Variants in DNAJC27 observed in about 807,000 individuals in gnomAD.
DNAJC27 encodes the protein dnaJ homolog subfamily C member 27.
A neutral mutation model predicts 31.4 loss-of-function variants in DNAJC27; 25 were observed. That is an observed-to-expected ratio of 0.80 (90% CI 0.58 to 1.11). The LOEUF (loss-of-function observed/expected upper bound fraction) is 1.11, where lower values mean the gene tolerates loss of function less well. Ranked by LOEUF, DNAJC27 falls within the 50% of genes most tolerant of loss-of-function variation. The pLI, the probability that DNAJC27 is intolerant of heterozygous loss-of-function variation, is 0.00. For missense variants in DNAJC27, 356 were observed against 347.3 expected (o/e 1.02, Z -0.20); for synonymous variants, 106 against 112.7 (o/e 0.94, Z 0.37).
At chr2:24,956,975 ATAATT>A in intron 5 of DNAJC27, 63 bp downstream of exon 5, 1 of 1,555,002 alleles carries the variant, frequency 6.4e-7, no homozygotes, top group Middle Eastern at 1.7e-4. Flanking sequence ...TTTGCTTCCT[ATAATT>A]TAAACTGAAA....
At chr2:24,951,150 C>T (rs1413632185) in intron 6 of DNAJC27, among the ~76,000 whole-genome samples, 1 of 152,256 alleles carries the variant, frequency 6.6e-6, no homozygotes, top group Non-Finnish European at 1.5e-5. Context: ...CAGATGAAAG[C>T]AGAGCATACC....
rs201971228 is a variant in DNAJC27, at chr2:24,971,861, A to G, written c.44T>C (p.Leu15Pro). 2.5e-5 allele frequency: 40 copies of G among 1,609,250 alleles called. No homozygotes were observed. Among genetic ancestry groups the G allele is most frequent in the Non-Finnish European group, 2.9e-5 (34 of 1,178,348 alleles). The change falls in exon 1 of 7, where the codon CTC (leucine) becomes CCC (proline). Residue 15 changes from leucine to proline, a missense_variant. Coordinates refer to ENST00000264711, the MANE Select transcript of DNAJC27 (RefSeq NM_016544.3). ...GCCCATGGAGATGACTTTGATGCGGAGAGACCTGCCGGGCTCCTTCCGCTT... is the reference window on the plus strand; with the variant it reads ...GCCCATGGAGATGACTTTGATGCGGGGAGACCTGCCGGGCTCCTTCCGCTT... ...MPKRKEPGRSLRIKVISMGNA... is the reference protein window; with the variant it reads ...MPKRKEPGRSPRIKVISMGNA...
In DNAJC27 at chr2:24,947,463, GAA is replaced by G; in HGVS notation, c.*151_*152del. ...GGTCATTTCTCAGTAAAATGTCTAT[GAA>G]ATGGGTACCTGAATTACTGATATAC... On this transcript the variant is annotated 3_prime_UTR_variant, in exon 7 of 7. Coordinates refer to ENST00000264711, the MANE Select transcript of DNAJC27 (RefSeq NM_016544.3). The G allele has an allele frequency of 1.1e-6, 1 of 902,634 alleles. No individual in the cohort carries two copies. Among genetic ancestry groups the G allele is most frequent in the Non-Finnish European group, 1.7e-6 (1 of 599,572 alleles). 55.9% of individuals were successfully genotyped at this position (902,634 alleles called of 1,614,324 possible).
At chr2:24,971,673 G>T in intron 1 of DNAJC27, 145 bp downstream of exon 1, 1 of 613,858 alleles carries the variant, frequency 1.6e-6, no homozygotes. Context: ...TTCGTTCGCG[G>T]AGCCGCACCC....
intron 1 of DNAJC27, among the ~76,000 whole-genome samples, chr2:24,971,153 C>T (rs1666325252): frequency 1.3e-5 from 2 of 152,188 alleles, no homozygotes; most frequent in African/African-American, 4.8e-5. Flanking sequence ...CTCAGGTTAC[C>T]TCTGGCCTTC....
chr2:24,965,101 G>C (rs1475911837), intron 2 of DNAJC27, among the ~76,000 whole-genome samples: 2 of 151,830 alleles, frequency 1.3e-5, no homozygotes, highest in Non-Finnish European at 2.9e-5. Flanking sequence ...AGCTACTTGG[G>C]AGGCTGAGGC....
At chr2:24,949,636 A>C (rs1483755897) in intron 6 of DNAJC27, among the ~76,000 whole-genome samples, 1 of 152,262 alleles carries the variant, frequency 6.6e-6, no homozygotes, top group African/African-American at 2.4e-5. Flanking sequence ...CCAGTGGAAT[A>C]AAGGTAAGAG....
At chr2:24,968,860 T>A (rs1305079385) in intron 1 of DNAJC27, 1 of 153,518 alleles carries the variant, frequency 6.5e-6, no homozygotes, top group Non-Finnish European at 1.5e-5. Flanking sequence ...GGGAAAAGTT[T>A]GGTAGCTTAA....
chr2:24,968,409 G>T (rs1666241466), intron 1 of DNAJC27, among the ~76,000 whole-genome samples: 1 of 151,950 alleles, frequency 6.6e-6, no homozygotes, highest in African/African-American at 2.4e-5. Context: ...TTTAAAATGA[G>T]TATGTGTTAC....
At chr2:24,959,246 A>C in intron 3 of DNAJC27, among the ~76,000 whole-genome samples, 1 of 151,508 alleles carries the variant, frequency 6.6e-6, no homozygotes, top group Non-Finnish European at 1.5e-5. Context: ...TCTTTCACCA[A>C]CTCCCCTTCT....
At chr2:24,967,378 C>T in intron 1 of DNAJC27, 85 bp from the exon 2 acceptor site, 1 of 1,035,206 alleles carries the variant, frequency 9.7e-7, no homozygotes, top group Non-Finnish European at 1.5e-6. Context: ...TATGGTTCCT[C>T]CATTCATCAC....
intron 1 of DNAJC27, among the ~76,000 whole-genome samples, chr2:24,970,450 A>G (rs183522229): frequency 1.1e-4 from 16 of 150,390 alleles, no homozygotes; most frequent in Non-Finnish European, 4.4e-5. Flanking sequence ...CATTAGGCAC[A>G]GTAAAATTAC....
chr2:24,956,048 C>T (rs1665896714), intron 5 of DNAJC27, among the ~76,000 whole-genome samples: 1 of 152,192 alleles, frequency 6.6e-6, no homozygotes, highest in Non-Finnish European at 1.5e-5. Flanking sequence ...CCAGCATCAA[C>T]TTTATTTGAT....
chr2:24,963,081 T>C, intron 3 of DNAJC27: 1 of 247,966 alleles, frequency 4.0e-6, no homozygotes, highest in Non-Finnish European at 7.9e-6. Flanking sequence ...ACTGAGTTCT[T>C]AAGCCCAAGC....
rs944439138 is a variant in DNAJC27 at position 24,954,867 on chromosome 2, C to T, written c.528+2176G>A. Among the ~76,000 whole-genome samples the T allele has an allele frequency of 5.9e-5, 9 of 152,154 alleles. No individual in the cohort carries two copies. In the South Asian group the frequency reaches 8.3e-4, roughly 14 times the overall value. On this transcript the variant is annotated intron_variant, in intron 5 of 6. Coordinates refer to ENST00000264711, the MANE Select transcript of DNAJC27 (RefSeq NM_016544.3). Reference sequence around the variant, plus strand: ...AGGAGAATGGCATGAACCCAGGAGGCGGAGCTTGCCATGAGCCGAGATTGC... The same window carrying T: ...AGGAGAATGGCATGAACCCAGGAGGTGGAGCTTGCCATGAGCCGAGATTGC...
At position 24,957,043 on chromosome 2, in the gene DNAJC27, C is replaced by T. The variant is rs150189609; in HGVS notation, c.528G>A (p.Gln176=). The T allele has an allele frequency of 4.3e-4, 694 of 1,605,794 alleles. 1 individual carries two copies. Among genetic ancestry groups the T allele is most frequent in the Non-Finnish European group, 5.1e-4 (598 of 1,177,256 alleles). The stretch of plus-strand genomic sequence containing the variant: ...TTAAAACAACAAAATGCTAGCTTAC[C>T]TGGAACATCTCATTAATGCCTTCTC... ...QTGEGINEMF[Q]TFYISIVDLC... is the part of the protein sequence containing the mutation. The change falls in exon 5 of 7, where the codon CAG becomes CAA. Residue 176 remains glutamine, a splice_region_variant and synonymous_variant. Coordinates refer to ENST00000264711, the MANE Select transcript of DNAJC27 (RefSeq NM_016544.3).
At chr2:24,963,371 C>T (rs766881144) in intron 3 of DNAJC27, 34 bp downstream of exon 3, 54 of 1,553,522 alleles carry the variant, frequency 3.5e-5, no homozygotes, top group Non-Finnish European at 4.2e-5. Context: ...ACCAACAATA[C>T]TGGATATAGG....
Position 24,945,652 on chromosome 2 carries a change from T to G in DNAJC27, c.*1964A>C, listed in dbSNP as rs1457861636. The G allele has an allele frequency of 6.6e-6, 1 of 152,186 alleles. No homozygotes were observed. The highest frequency in any genetic ancestry group is 1.9e-4 in the East Asian group (1 of 5,194). 9.4% of individuals were successfully genotyped at this position (152,186 alleles called of 1,614,324 possible). ...AATTTAGGTCCCGAAGAACTCTGGGTTGGAGTTCTGTAGCCTCAGAAGCCA... is the reference window on the plus strand; with the variant it reads ...AATTTAGGTCCCGAAGAACTCTGGGGTGGAGTTCTGTAGCCTCAGAAGCCA... On this transcript the variant is annotated 3_prime_UTR_variant, in exon 7 of 7. Transcript: ENST00000264711.
upstream of DNAJC27, chr2:24,972,008 C>T (rs1666358527): frequency 3.7e-6 from 3 of 818,756 alleles, no homozygotes; most frequent in Admixed American, 1.2e-4. Flanking sequence ...CTCTCGTCAC[C>T]GCCTCGCCTC....
Sources: gnomAD v4.1 joint callset for allele counts (sites outside exome capture counted in the v4.1 genomes callset) on GRCh38, gnomAD v4.1.1 for gene constraint, MANE v1.5 for transcripts, NCBI Gene and HGNC (gene_info 2026-07-23, HGNC 2026-07-21) for gene names.